The following DPF3 variants were observed in gnomAD, a reference collection of about 807,000 sequenced individuals.
DPF3 encodes the protein zinc finger protein DPF3.
A neutral mutation model predicts 56.8 loss-of-function variants in DPF3; 18 were observed. The observed-to-expected ratio is 0.32, with a 90% confidence interval of 0.22 to 0.47. The LOEUF (loss-of-function observed/expected upper bound fraction) is 0.47, where lower values mean the gene tolerates loss of function less well. Among genes scored for constraint, DPF3 ranks in the 20% least tolerant of loss-of-function variants. The pLI, the probability that DPF3 is intolerant of heterozygous loss-of-function variation, is 1.00. For missense variants in DPF3, 403 were observed against 488.8 expected, an observed-to-expected ratio of 0.82 and a Z score of 1.65; for synonymous variants, 188 against 180.2, an observed-to-expected ratio of 1.04 and a Z score of -0.35.
chr14:72,717,026 A>G (rs997311013), intron 5 of DPF3, among the ~76,000 whole-genome samples: 4 of 152,194 alleles, frequency 2.6e-5, no homozygotes, highest in Admixed American at 2.6e-4. Context: ...ACAGGAGCCC[A>G]TGGTCATAGG....
At chr14:72,826,845 A>G (rs1273130517) in intron 1 of DPF3, among the ~76,000 whole-genome samples, 2 of 152,144 alleles carry the variant, frequency 1.3e-5, no homozygotes, top group Non-Finnish European at 2.9e-5. Flanking sequence ...GATCAAGACC[A>G]TCCTGGCAAA....
chr14:72,712,555 C>A (rs887703284), intron 6 of DPF3, among the ~76,000 whole-genome samples: 1 of 152,196 alleles, frequency 6.6e-6, no homozygotes, highest in Non-Finnish European at 1.5e-5. Context: ...CAGACAATTA[C>A]ATACGAAGAT....
At chr14:72,820,362 A>C (rs1244492545) in intron 1 of DPF3, among the ~76,000 whole-genome samples, 2 of 152,202 alleles carry the variant, frequency 1.3e-5, no homozygotes, top group South Asian at 4.1e-4. Context: ...AACAGGTTAA[A>C]ATTAAAGCAA....
chr14:72,778,803 C>A (rs904495381), intron 1 of DPF3, among the ~76,000 whole-genome samples: 1 of 152,196 alleles, frequency 6.6e-6, no homozygotes, highest in Non-Finnish European at 1.5e-5. Context: ...TTTCCTTCCA[C>A]ATTTTTTCTT....
chr14:72,619,212 T>G lies in DPF3; in HGVS notation c.*85A>C. On this transcript the variant is annotated 3_prime_UTR_variant, in exon 11 of 11. Coordinates refer to ENST00000556509, the MANE Select transcript of DPF3 (RefSeq NM_001280542.3). The stretch of plus-strand genomic sequence containing the variant: ...TTTCCTTGCAGTTGGTCTGGCTGGA[T>G]ATGTGGGAGGAGGGCGCGTTCTGGT... The G allele has an allele frequency of 7.5e-7, 1 of 1,332,024 alleles. No homozygotes were observed. Among genetic ancestry groups the G allele is most frequent in the Non-Finnish European group, 1.0e-6 (1 of 972,826 alleles). 82.5% of individuals were successfully genotyped at this position (1,332,024 alleles called of 1,614,324 possible).
At chr14:72,816,772 T>C (rs987685804) in intron 1 of DPF3, among the ~76,000 whole-genome samples, 8 of 152,370 alleles carry the variant, frequency 5.3e-5, no homozygotes, top group Admixed American at 4.6e-4. Flanking sequence ...ATAATTGTCA[T>C]TACTTTTCAA....
At position 72,614,811 on chromosome 14, in the gene DPF3, C is replaced by G. The variant is rs78025422; in HGVS notation, c.*4486G>C. 0.016 allele frequency among the ~76,000 whole-genome samples: 2,118 copies of G among 130,160 alleles called. 30 individuals are homozygous for G. Among genetic ancestry groups the G allele is most frequent in the Middle Eastern group, 0.034 (7 of 208 alleles). 85.4% of individuals were successfully genotyped at this position (130,160 alleles called of 152,430 possible). On this transcript the variant is annotated 3_prime_UTR_variant, in exon 11 of 11. Transcript: ENST00000556509. ...AAAAGAGTTACAATCACTGTTCACT[C>G]CCACCTGCTGCCCTCCAGCTCCTTA...
At chr14:72,732,570 C>T (rs1889705229) in intron 3 of DPF3, among the ~76,000 whole-genome samples, 1 of 152,202 alleles carries the variant, frequency 6.6e-6, no homozygotes, top group Non-Finnish European at 1.5e-5. Flanking sequence ...ACGGCGAATG[C>T]CTCACAAGCC....
chr14:72,679,994 C>T (rs778363978), intron 7 of DPF3, among the ~76,000 whole-genome samples: 6 of 152,278 alleles, frequency 3.9e-5, no homozygotes, highest in East Asian at 3.9e-4. Flanking sequence ...AGCCTGCTAC[C>T]TCGGCCTAGC....
At chr14:72,690,475 A>AAC (rs113474064) in intron 7 of DPF3, among the ~76,000 whole-genome samples, 15 of 152,002 alleles carry the variant, frequency 9.9e-5, no homozygotes, top group Admixed American at 9.2e-4. Flanking sequence ...CATATACAAA[A>AAC]ACACACACAC....
intron 1 of DPF3, among the ~76,000 whole-genome samples, chr14:72,814,311 A>G (rs1209672606): frequency 6.6e-6 from 1 of 152,026 alleles, no homozygotes; most frequent in Non-Finnish European, 1.5e-5. Flanking sequence ...ATGCTCACCA[A>G]ACTCTGCCTT....
chr14:72,629,539 A>T, intron 9 of DPF3, 85 bp downstream of exon 9: 1 of 1,311,670 alleles, frequency 7.6e-7, no homozygotes, highest in Non-Finnish European at 1.1e-6. Context: ...GGGCCTAGTG[A>T]CAAGAGTCCT....
At position 72,610,928 on chromosome 14, in the gene DPF3, G is replaced by A. The variant is rs1286907148; in HGVS notation, c.*8369C>T. On this transcript the variant is annotated 3_prime_UTR_variant, in exon 11 of 11. Coordinates refer to ENST00000556509, the MANE Select transcript of DPF3 (RefSeq NM_001280542.3). ...CAGAGAAGTCTTGGCTCAAAAGAAC[G>A]TTGCCCACAGGCTTTCAAGTAGGTG... Among the ~76,000 whole-genome samples the A allele has an allele frequency of 1.3e-5, 2 of 152,184 alleles. No individual in the cohort carries two copies. Among genetic ancestry groups the A allele is most frequent in the African/African-American group, 4.8e-5 (2 of 41,444 alleles).
At position 72,614,509 on chromosome 14, in the gene DPF3, G is replaced by T. The variant is rs2153565196; in HGVS notation, c.*4788C>A. 6.6e-6 allele frequency among the ~76,000 whole-genome samples: 1 copy of T among 152,170 alleles called. No homozygotes were observed. The highest frequency in any genetic ancestry group is 1.9e-4 in the East Asian group (1 of 5,154). ...GGTGTCCTGGGCTTGGGGGACAGGGGCCTGGGGGCCTGACCCCTCTGGTAG... is the reference window on the plus strand; with the variant it reads ...GGTGTCCTGGGCTTGGGGGACAGGGTCCTGGGGGCCTGACCCCTCTGGTAG... On this transcript the variant is annotated 3_prime_UTR_variant, in exon 11 of 11. Transcript: ENST00000556509.
At chr14:72,858,248 C>T (rs1599500630) in intron 1 of DPF3, among the ~76,000 whole-genome samples, 1 of 147,532 alleles carries the variant, frequency 6.8e-6, no homozygotes, top group Non-Finnish European at 1.5e-5. Flanking sequence ...GCGGAGGTTG[C>T]AGTGAGCCAA....
chr14:72,670,151 T>C (rs1430910855), intron 8 of DPF3: 5 of 985,782 alleles, frequency 5.1e-6, no homozygotes, highest in Middle Eastern at 5.2e-4. Flanking sequence ...CCAATGGGTA[T>C]TGATACGTTT....
chr14:72,675,362 A>C (rs1196254852), intron 7 of DPF3: 2 of 152,128 alleles, frequency 1.3e-5, no homozygotes, highest in African/African-American at 4.8e-5. Flanking sequence ...TCTTTGTCAT[A>C]TTCACACTCC....
chr14:72,836,460 TGAAG>T, intron 1 of DPF3: 1 of 985,626 alleles, frequency 1.0e-6, no homozygotes, highest in South Asian at 4.7e-5. Flanking sequence ...CTGCCTGCCC[TGAAG>T]GGAGAAGGAG....
At chr14:72,633,941 T>C (rs17180845) in intron 8 of DPF3, among the ~76,000 whole-genome samples, 59,370 of 152,094 alleles carry the variant, frequency 0.39, 13,266 homozygotes, top group East Asian at 0.72. Context: ...CAAGTGGGTT[T>C]TGGAAATGCC....
Sources: gnomAD v4.1 joint callset for allele counts (sites outside exome capture counted in the v4.1 genomes callset) on GRCh38, gnomAD v4.1.1 for gene constraint, MANE v1.5 for transcripts, NCBI Gene and HGNC (gene_info 2026-07-23, HGNC 2026-07-21) for gene names.